DMD: variants seen among roughly 807,000 people sequenced by gnomAD.
The protein encoded by DMD is dystrophin, also known as mutant dystrophin.
Under a neutral mutation model 330.1 loss-of-function variants are expected in DMD, and 63 were observed. The observed-to-expected ratio is 0.19, with a 90% CI of 0.16 to 0.24. The LOEUF is 0.24. Ranked by LOEUF, DMD falls within the 10% of genes least tolerant of loss-of-function variation. The probability of loss-of-function intolerance (pLI) is 1.00; values close to 1 mark genes in which losing one functional copy is unlikely to be tolerated. For synonymous variants in DMD, 1,223 were observed against 959.8 expected (o/e 1.27, Z -5.07); for missense variants, 3,344 against 2,684.1 (o/e 1.25, Z -5.43).
intron 44 of DMD, among the ~76,000 whole-genome samples, chrX:32,013,006 C>G (rs1453421809): frequency 1.8e-5 from 2 of 109,718 alleles, no homozygotes; most frequent in Non-Finnish European, 3.8e-5. Context: ...GATCCCACTG[C>G]TACGTCAAGT....
chrX:31,723,400 G>T (rs1238473286), intron 52 of DMD, among the ~76,000 whole-genome samples: 1 of 111,176 alleles, frequency 9.0e-6, no homozygotes, highest in African/African-American at 3.3e-5. Flanking sequence ...CTCTGGTTAT[G>T]ACATTAATCT....
At chrX:32,332,159 A>C (rs1357417081) in intron 41 of DMD, among the ~76,000 whole-genome samples, 1 of 111,775 alleles carries the variant, frequency 8.9e-6, no homozygotes, top group African/African-American at 3.2e-5. Context: ...AGAATCTTAA[A>C]ATTGCTTTAT....
chrX:31,574,134 G>GTTTTTTTT (rs748095057), intron 55 of DMD, among the ~76,000 whole-genome samples: 12 of 83,166 alleles, frequency 1.4e-4, no homozygotes, highest in Non-Finnish European at 1.7e-4. Flanking sequence ...TGATCTGTTT[G>GTTTTTTTT]TTTTTTTTTT....
At chrX:32,427,246 A>C (rs753230708) in intron 29 of DMD, among the ~76,000 whole-genome samples, 2 of 111,635 alleles carry the variant, frequency 1.8e-5, no homozygotes, top group African/African-American at 6.5e-5. Flanking sequence ...ACAGAGGTGG[A>C]GAAAACGGTG....
At chrX:32,288,693 T>C (rs778733051) in intron 42 of DMD, among the ~76,000 whole-genome samples, 1 of 112,163 alleles carries the variant, frequency 8.9e-6, no homozygotes, top group East Asian at 2.8e-4. Context: ...AAAATAATTA[T>C]TCTTGCAACA....
chrX:32,849,966 G>GAA (rs2149016913), intron 2 of DMD, 146 bp from the exon 3 acceptor site: 1 of 512,041 alleles, frequency 2.0e-6, no homozygotes, highest in South Asian at 3.2e-5. Context: ...ATGAAAAAAG[G>GAA]AAAGTTCAAA....
At chrX:31,784,741 C>G (rs184923534) in intron 50 of DMD, among the ~76,000 whole-genome samples, 2 of 111,871 alleles carry the variant, frequency 1.8e-5, no homozygotes, top group Admixed American at 1.9e-4. Context: ...AATTGATACT[C>G]TACTATGTAC....
At chrX:32,168,540 T>TAAAAAAA in intron 44 of DMD, among the ~76,000 whole-genome samples, 1 of 78,564 alleles carries the variant, frequency 1.3e-5, no homozygotes, top group Non-Finnish European at 2.5e-5. Flanking sequence ...ATGACAGTTA[T>TAAAAAAA]AAAAAAAAAA....
intron 55 of DMD, among the ~76,000 whole-genome samples, chrX:31,516,630 C>T (rs1038259011): frequency 1.3e-4 from 14 of 111,753 alleles, no homozygotes; most frequent in Admixed American, 1.9e-4. Context: ...GCATCTTAAA[C>T]GAGCAGCTAT....
In DMD at chrX:32,680,079, G is replaced by A. The variant is rs144508271; in HGVS notation, c.960+17791C>T. On this transcript the variant is annotated intron_variant, in intron 9 of 78. Transcript: ENST00000357033. The stretch of plus-strand genomic sequence containing the variant: ...CAGGCATGTGCCACCACACCTGGCT[G>A]ATTTTTGTATTTTTACTTGAGACGG... 6.2e-3 allele frequency among the ~76,000 whole-genome samples: 666 copies of A among 106,846 alleles called. 8 individuals carry two copies. The highest frequency in any genetic ancestry group is 0.022 in the African/African-American group (647 of 29,191). 92.8% of individuals were successfully genotyped at this position (106,846 alleles called of 115,157 possible).
At chrX:32,305,471 T>C (rs1179782479) in intron 42 of DMD, among the ~76,000 whole-genome samples, 7 of 111,354 alleles carry the variant, frequency 6.3e-5, no homozygotes, top group Non-Finnish European at 1.3e-4. Context: ...CATAGACACA[T>C]GCTTAAGTTT....
chrX:31,224,349 C>T (rs1280696004), intron 63 of DMD, among the ~76,000 whole-genome samples: 1 of 112,212 alleles, frequency 8.9e-6, no homozygotes, highest in African/African-American at 3.2e-5. Flanking sequence ...TAATTCAATC[C>T]ATATCCAAGT....
chrX:32,127,250 G>A (rs1409259132), intron 44 of DMD, among the ~76,000 whole-genome samples: 3 of 111,890 alleles, frequency 2.7e-5, no homozygotes, highest in African/African-American at 9.7e-5. Flanking sequence ...ACACACATCT[G>A]TTGATAGGAC....
intron 44 of DMD, among the ~76,000 whole-genome samples, chrX:32,129,728 G>GAGA (rs1569545527): frequency 1.1e-3 from 24 of 21,437 alleles, no homozygotes; most frequent in Non-Finnish European, 2.4e-3. Flanking sequence ...AGAGAGGGAG[G>GAGA]GAGAGAGAGA....
At chrX:31,537,313 C>T (rs2073479710) in intron 55 of DMD, among the ~76,000 whole-genome samples, 1 of 111,731 alleles carries the variant, frequency 9.0e-6, no homozygotes, top group African/African-American at 3.3e-5. Flanking sequence ...ATTTCCCTGT[C>T]TCCACTGAAA....
intron 60 of DMD, among the ~76,000 whole-genome samples, chrX:31,376,936 T>C (rs1338151858): frequency 8.9e-6 from 1 of 112,047 alleles, no homozygotes; most frequent in East Asian, 2.8e-4. Flanking sequence ...GCAAAATGCA[T>C]TGAATCTGAC....
chrX:32,419,415 T>A (rs2098180349), intron 29 of DMD, among the ~76,000 whole-genome samples: 1 of 112,269 alleles, frequency 8.9e-6, no homozygotes, highest in South Asian at 3.6e-4. Context: ...AAAACCATGT[T>A]GCTTTAACCC....
chrX:32,422,314 T>C (rs192305642), intron 29 of DMD, among the ~76,000 whole-genome samples: 40 of 111,741 alleles, frequency 3.6e-4, no homozygotes, highest in African/African-American at 1.1e-3. Flanking sequence ...TCAATTAAAA[T>C]CTACTAAATT....
intron 44 of DMD, among the ~76,000 whole-genome samples, chrX:32,093,759 G>A (rs1207113685): frequency 9.0e-6 from 1 of 110,863 alleles, no homozygotes; most frequent in Non-Finnish European, 1.9e-5. Flanking sequence ...CTAGAATTAA[G>A]ACAATGGCCC....
Sources: gnomAD v4.1 joint callset for allele counts (sites outside exome capture counted in the v4.1 genomes callset) on GRCh38, gnomAD v4.1.1 for gene constraint, MANE v1.5 for transcripts, NCBI Gene and HGNC (gene_info 2026-07-23, HGNC 2026-07-21) for gene names.